The following CADPS variants were observed in gnomAD, a reference collection of about 807,000 sequenced individuals.
The protein encoded by CADPS is calcium dependent secretion activator.
A neutral mutation model predicts 167.3 loss-of-function variants in CADPS; 57 were observed. The observed-to-expected ratio is 0.34, with a 90% CI of 0.28 to 0.42. The LOEUF (loss-of-function observed/expected upper bound fraction) is 0.42. CADPS is among the 20% of genes least tolerant of loss of function. The pLI is 1.00. For synonymous variants in CADPS, 676 were observed against 635.3 expected (o/e 1.06, Z -0.96); for missense variants, 1,414 against 1,738.1 (o/e 0.81, Z 3.32).
chr3:62,773,233 G>C (rs953470084), intron 1 of CADPS, among the ~76,000 whole-genome samples: 11 of 151,878 alleles, frequency 7.2e-5, no homozygotes, highest in African/African-American at 2.7e-4. Context: ...TACTCTAAAG[G>C]AAGTCCTGCT....
intron 1 of CADPS, among the ~76,000 whole-genome samples, chr3:62,872,535 G>T (rs2082816328): frequency 6.6e-6 from 1 of 152,202 alleles, no homozygotes; most frequent in African/African-American, 2.4e-5. Context: ...CCAAATGTCA[G>T]TGTTATCAAT....
At chr3:62,686,035 C>A (rs1328294688) in intron 3 of CADPS, among the ~76,000 whole-genome samples, 1 of 152,074 alleles carries the variant, frequency 6.6e-6, no homozygotes, top group African/African-American at 2.4e-5. Context: ...GATGGACATA[C>A]TAATTACCTT....
intron 3 of CADPS, among the ~76,000 whole-genome samples, chr3:62,740,927 A>C (rs770323809): frequency 1.3e-5 from 2 of 152,208 alleles, no homozygotes. Context: ...ACTATTTTAC[A>C]TATTGACTTT....
At chr3:62,864,004 T>A (rs971492085) in intron 1 of CADPS, among the ~76,000 whole-genome samples, 1 of 152,220 alleles carries the variant, frequency 6.6e-6, no homozygotes, top group Non-Finnish European at 1.5e-5. Context: ...ACCTGTGTCA[T>A]CTGTGAACTA....
intron 11 of CADPS, among the ~76,000 whole-genome samples, chr3:62,547,653 C>T (rs1237196789): frequency 1.5e-5 from 2 of 134,528 alleles, no homozygotes; most frequent in African/African-American, 5.6e-5. Flanking sequence ...ACAAAAGTTC[C>T]TTATTTCAAC....
intron 6 of CADPS, among the ~76,000 whole-genome samples, chr3:62,634,612 G>A (rs370714275): frequency 2.6e-5 from 4 of 152,164 alleles, no homozygotes; most frequent in Admixed American, 6.5e-5. Context: ...CTGAGCATGC[G>A]CAAGTCCAGA....
intron 3 of CADPS, among the ~76,000 whole-genome samples, chr3:62,708,775 A>G (rs1028261176): frequency 2.6e-5 from 4 of 152,082 alleles, no homozygotes; most frequent in Non-Finnish European, 5.9e-5. Context: ...TCAATGAGGA[A>G]GCCAAATGCT....
At chr3:62,505,391 T>C (rs1368406023) in intron 17 of CADPS, among the ~76,000 whole-genome samples, 1 of 152,214 alleles carries the variant, frequency 6.6e-6, no homozygotes, top group African/African-American at 2.4e-5. Context: ...CTGTAAGGAC[T>C]TAGGTGGTAT....
chr3:62,562,103 T>C (rs1028436387), intron 9 of CADPS, among the ~76,000 whole-genome samples: 1 of 152,202 alleles, frequency 6.6e-6, no homozygotes, highest in African/African-American at 2.4e-5. Flanking sequence ...TATATGGTAC[T>C]GTAAGAGCTT....
chr3:62,692,377 T>G (rs946148251), intron 3 of CADPS, among the ~76,000 whole-genome samples: 2 of 76,082 alleles, frequency 2.6e-5, no homozygotes, highest in Non-Finnish European at 5.1e-5. Flanking sequence ...TGCACACTTA[T>G]GAGTACGGTT....
intron 17 of CADPS, among the ~76,000 whole-genome samples, chr3:62,507,841 C>T (rs1452004443): frequency 6.6e-6 from 1 of 152,142 alleles, no homozygotes; most frequent in African/African-American, 2.4e-5. Flanking sequence ...TACTTTCAAA[C>T]AAATAATAAA....
At chr3:62,510,744 T>G (rs1265978089) in intron 17 of CADPS, among the ~76,000 whole-genome samples, 1 of 152,090 alleles carries the variant, frequency 6.6e-6, no homozygotes, top group African/African-American at 2.4e-5. Context: ...CACCTGTAAC[T>G]CCGGTGGTGC....
At chr3:62,696,966 A>C (rs2080409007) in intron 3 of CADPS, among the ~76,000 whole-genome samples, 1 of 152,076 alleles carries the variant, frequency 6.6e-6, no homozygotes, top group South Asian at 2.1e-4. Context: ...ATATTCACAA[A>C]TTATCTGAAT....
rs1272484234 is a variant in CADPS, at chr3:62,465,080, G to A, written c.3636+287C>T. Among the ~76,000 whole-genome samples, 1 of 152,188 alleles carries A rather than the reference G, an allele frequency of 6.6e-6. No individual in the cohort carries two copies. The highest frequency in any genetic ancestry group is 2.4e-5 in the African/African-American group (1 of 41,456). ...TAAGTCATTTGCCAGAGCTAGCTAA[G>A]GTGGGCTTAGGTAGGCAAATCTCTG... On this transcript the variant is annotated intron_variant, in intron 26 of 29. Coordinates refer to ENST00000383710, the MANE Select transcript of CADPS (RefSeq NM_003716.4). The surrounding 1 kb of genome is among the most constrained non-coding windows in gnomAD (Gnocchi z 4.1).
At chr3:62,579,344 A>T (rs1456493945) in intron 8 of CADPS, among the ~76,000 whole-genome samples, 1 of 152,220 alleles carries the variant, frequency 6.6e-6, no homozygotes, top group Admixed American at 6.5e-5. Context: ...TAAACAATAA[A>T]TAATTCACTG....
intron 3 of CADPS, among the ~76,000 whole-genome samples, chr3:62,739,742 A>G (rs1005884879): frequency 7.9e-5 from 12 of 152,222 alleles, no homozygotes; most frequent in African/African-American, 2.9e-4. Context: ...CTAGCATATC[A>G]GCATTGATGC....
rs144186651 is a variant in CADPS, at chr3:62,593,547, T to C, written c.1326-799A>G. On this transcript the variant is annotated intron_variant, in intron 6 of 29. Coordinates refer to ENST00000383710, the MANE Select transcript of CADPS (RefSeq NM_003716.4). Reference sequence around the variant, plus strand: ...TCCAGAAGTGTTAACTGGATTGCACTGAGCCCCAGGTCCAGGGCACCTGTT... The same window carrying C: ...TCCAGAAGTGTTAACTGGATTGCACCGAGCCCCAGGTCCAGGGCACCTGTT... Among the ~76,000 whole-genome samples the C allele has an allele frequency of 1.9e-3, 288 of 152,338 alleles. 1 individual carries two copies. The highest frequency in any genetic ancestry group is 6.6e-3 in the African/African-American group (274 of 41,582).
In CADPS at chr3:62,635,505, T is replaced by G. The variant is rs2066117529; in HGVS notation, c.1325+10217A>C. 2.0e-5 allele frequency among the ~76,000 whole-genome samples: 3 copies of G among 152,198 alleles called. No individual in the cohort carries two copies. In the East Asian group the frequency reaches 5.8e-4, roughly 29 times the overall value. ...TGCTAAAAGTCAAATTTACAGAGAT[T>G]TACTTGTGTTGGACCTAGCAATTCC... On this transcript the variant is annotated intron_variant, in intron 6 of 29. Coordinates refer to ENST00000383710, the MANE Select transcript of CADPS (RefSeq NM_003716.4).
rs899459064 is a variant in CADPS at position 62,428,839 on chromosome 3, T to C, written c.3777+9265A>G. Among the ~76,000 whole-genome samples the C allele has an allele frequency of 2.6e-5, 4 of 152,206 alleles. No individual in the cohort carries two copies. The East Asian group carries it at 7.7e-4, about 29-fold the overall frequency. ...ATATCTGGAGACATTTTCTTCATTT[T>C]GAGAAGGACAGTGGCTGCTACTGGT... On this transcript the variant is annotated intron_variant, in intron 28 of 29. Transcript: ENST00000383710.
Sources: allele counts gnomAD v4.1 joint callset (sites outside exome capture counted in the v4.1 genomes callset), GRCh38; gene constraint gnomAD v4.1.1; non-coding constraint Gnocchi (gnomAD v3.1); transcripts MANE v1.5; gene names NCBI Gene and HGNC (gene_info 2026-07-23, HGNC 2026-07-21).